Variants in DUSP9 observed in about 807,000 individuals in gnomAD.
DUSP9 encodes dual specificity phosphatase 9, also known as dual specificity protein phosphatase 9.
DUSP9 carries 4 observed loss-of-function variants against 13.2 expected under a neutral mutation model. The ratio of observed to expected loss-of-function variants is 0.30; its 90% CI spans 0.15 to 0.69. The LOEUF (loss-of-function observed/expected upper bound fraction) is 0.69. DUSP9 is among the 30% of genes least tolerant of loss of function. The probability of loss-of-function intolerance (pLI) is 0.73; values close to 1 mark genes in which losing one functional copy is unlikely to be tolerated. For missense variants in DUSP9, 263 were observed against 355.0 expected (o/e 0.74, Z 2.08); for synonymous variants, 166 against 172.3 (o/e 0.96, Z 0.29).
intron 2 of DUSP9, 98 bp downstream of exon 2, chrX:153,648,424 C>G: frequency 1.1e-6 from 1 of 919,824 alleles, no homozygotes; most frequent in South Asian, 3.4e-5. Context: ...AGGCCCCCCT[C>G]CCCTGATGAC....
chrX:153,645,905 C>T (rs1199224954), upstream of DUSP9, among the ~76,000 whole-genome samples: 1 of 112,443 alleles, frequency 8.9e-6, no homozygotes, highest in Non-Finnish European at 1.9e-5. Flanking sequence ...AGTGTTACCT[C>T]GTTGGTCATT....
In DUSP9 at chrX:153,649,463, C is replaced by A; in HGVS notation, c.605C>A (p.Ser202Tyr). Residue 202 changes from serine (S) to tyrosine (Y), a missense_variant, in exon 3 of 4, where the codon TCC becomes TAC. Transcript: ENST00000342782. ...ATPPPVGLRASFPVQILPNLY... is the reference protein window; with the variant it reads ...ATPPPVGLRAYFPVQILPNLY... ...CCCCCACCAGTGGGGCTGCGGGCATCCTTCCCTGTCCAGATCCTGCCCAAC... is the reference window on the plus strand; with the variant it reads ...CCCCCACCAGTGGGGCTGCGGGCATACTTCCCTGTCCAGATCCTGCCCAAC... 8.3e-7 allele frequency: 1 copy of A among 1,211,801 alleles called. No homozygotes were observed. The highest frequency in any genetic ancestry group is 1.7e-5 in the African/African-American group (1 of 57,924).
Position 153,648,337 on chromosome X carries a change from C to G in DUSP9, c.373+11C>G. On this transcript the variant is annotated intron_variant, in intron 2 of 3. Coordinates refer to ENST00000342782, the MANE Select transcript of DUSP9 (RefSeq NM_001318503.2). ...CCTACTACCTCCAGGGTAGGTGCCG[C>G]GGGGCCCTCCTTCCAGGGGGTTCGG... 9.0e-7 allele frequency: 1 copy of G among 1,107,735 alleles called. No homozygotes were observed. The highest frequency in any genetic ancestry group is 3.8e-5 in the East Asian group (1 of 26,530). 91.3% of individuals were successfully genotyped at this position (1,107,735 alleles called of 1,213,427 possible).
chrX:153,647,780 G>T, intron 1 of DUSP9, 139 bp from the exon 2 acceptor site: 1 of 422,297 alleles, frequency 2.4e-6, no homozygotes, highest in Non-Finnish European at 3.5e-6. Flanking sequence ...TGCTGCCTGG[G>T]GGGTTTCTTG....
At chrX:153,648,958 G>A (rs1344292816) in intron 2 of DUSP9, among the ~76,000 whole-genome samples, 2 of 112,078 alleles carry the variant, frequency 1.8e-5, no homozygotes, top group Admixed American at 1.9e-4. Context: ...TCTCGGCTCT[G>A]TTGAGCCCTC....
Position 153,649,984 on chromosome X carries a change from G to A in DUSP9, c.834G>A (p.Glu278=). 2 of 1,209,109 alleles carry A rather than the reference G, an allele frequency of 1.7e-6. No homozygotes were observed. ...GCCCTTTCCTGCCCCATCTAGATGA[G>A]GCCTTGTCCCAGAACTGCGGGGTGC... ...FFPEAIEFID[E]ALSQNCGVLV... Residue 278 remains glutamate, a synonymous_variant, in exon 4 of 4, where the codon GAG becomes GAA. Coordinates refer to ENST00000342782, the MANE Select transcript of DUSP9 (RefSeq NM_001318503.2).
upstream of DUSP9, among the ~76,000 whole-genome samples, chrX:153,645,583 A>G (rs1312081514): frequency 3.5e-5 from 4 of 113,049 alleles, no homozygotes; most frequent in Non-Finnish European, 7.5e-5. Flanking sequence ...TTTCTCCTCT[A>G]ACTCCATGGC....
At position 153,647,221 on chromosome X, in the gene DUSP9, G is replaced by C. The variant is rs1314685040; in HGVS notation, c.-240G>C. ...AGTTTCCAAGGTGGAAGCTGGGTCC[G>C]GCTGCCAGGAAGCGGCCGGTGCGCG... On this transcript the variant is annotated 5_prime_UTR_variant, in exon 1 of 4. Coordinates refer to ENST00000342782, the MANE Select transcript of DUSP9 (RefSeq NM_001318503.2). 2 of 109,016 alleles carry C rather than the reference G, an allele frequency of 1.8e-5. No homozygotes were observed. Among genetic ancestry groups the C allele is most frequent in the African/African-American group, 3.3e-5 (1 of 30,344 alleles). The allele number at this position is 109,016 out of a possible 1,213,427, so 9.0% of individuals were successfully genotyped here.
rs1174599347 is a variant in DUSP9 at position 153,651,101 on chromosome X, G to A, written c.*796G>A. The A allele has an allele frequency of 6.3e-5, 7 of 111,803 alleles. No individual in the cohort carries two copies. The highest frequency in any genetic ancestry group is 2.3e-4 in the African/African-American group (7 of 30,752). The allele number at this position is 111,803 out of a possible 1,213,427, so 9.2% of individuals were successfully genotyped here. On this transcript the variant is annotated 3_prime_UTR_variant, in exon 4 of 4. Coordinates refer to ENST00000342782, the MANE Select transcript of DUSP9 (RefSeq NM_001318503.2). ...CATTCATTTCTGTCCACACCCCTGT[G>A]GGTGGCGGGTGTGCGTGTGTGTGCT...
At chrX:153,644,803 C>T (rs988567379), upstream of DUSP9, among the ~76,000 whole-genome samples, 1 of 112,293 alleles carries the variant, frequency 8.9e-6, no homozygotes, top group East Asian at 2.8e-4. Context: ...GTTGCCTCTC[C>T]CCGTCCTCAT....
Position 153,650,059 on chromosome X carries a change from C to G in DUSP9, c.909C>G (p.Ala303=). The change falls in exon 4 of 4, where the codon GCC becomes GCG. Residue 303 remains alanine (A), a synonymous_variant. Coordinates refer to ENST00000342782, the MANE Select transcript of DUSP9 (RefSeq NM_001318503.2). The part of the protein sequence containing the change: ...GVSRSVTVTV[A]YLMQKLHLSL... ...GCCGTTCTGTCACCGTCACTGTGGC[C>G]TACCTCATGCAGAAGCTCCACCTCT... is the stretch of plus-strand genomic sequence containing the variant. The G allele has an allele frequency of 8.3e-7, 1 of 1,211,620 alleles. No homozygotes were observed. The highest frequency in any genetic ancestry group is 1.7e-5 in the African/African-American group (1 of 57,801).
At position 153,650,296 on chromosome X, in the gene DUSP9, C is replaced by T; in HGVS notation, c.1146C>T (p.Ala382=). The T allele has an allele frequency of 1.7e-6, 2 of 1,186,563 alleles. No individual in the cohort carries two copies. Among genetic ancestry groups the T allele is most frequent in the South Asian group, 1.9e-5 (1 of 53,260 alleles). ...TPTSDGAFEL[A]PT Reference sequence around the variant, plus strand: ...CCAGTGATGGCGCCTTCGAGCTGGCCCCCACCTAGGGCCCCGTGGCCGGCA... The same window carrying T: ...CCAGTGATGGCGCCTTCGAGCTGGCTCCCACCTAGGGCCCCGTGGCCGGCA... Residue 382 remains alanine (A), a synonymous_variant, in exon 4 of 4, where the codon GCC becomes GCT. Coordinates refer to ENST00000342782, the MANE Select transcript of DUSP9 (RefSeq NM_001318503.2).
At chrX:153,643,040 CCCA>C (rs1173091968), upstream of DUSP9, among the ~76,000 whole-genome samples, 1 of 107,767 alleles carries the variant, frequency 9.3e-6, no homozygotes, top group African/African-American at 3.4e-5. Context: ...CTACCATGCC[CCCA>C]CCACCTCGAA....
Position 153,649,780 on chromosome X carries a change from T to C in DUSP9, c.829+93T>C, listed in dbSNP as rs113500765. ...GTACTCCTCCCAAGCCCCGCTGCCA[T>C]TCCCAGAGCCAAAAGCCTAGGTGAC... is the stretch of plus-strand genomic sequence containing the variant. On this transcript the variant is annotated intron_variant, in intron 3 of 3. Transcript: ENST00000342782. The C allele has an allele frequency of 0.012, 10,813 of 883,740 alleles. 759 individuals carry two copies. In the African/African-American group the frequency reaches 0.2, roughly 16 times the overall value. 72.8% of individuals were successfully genotyped at this position (883,740 alleles called of 1,213,427 possible).
Position 153,649,666 on chromosome X carries a change from C to G in DUSP9, c.808C>G (p.Pro270Ala). The change falls in exon 3 of 4, where the codon CCG becomes GCG. Residue 270 changes from proline to alanine, a missense_variant. By Grantham distance (27) the Pro-to-Ala change is conservative (BLOSUM62 -1). Coordinates refer to ENST00000342782, the MANE Select transcript of DUSP9 (RefSeq NM_001318503.2). Reference sequence around the variant, plus strand: ...GAGCCAGAACCTGTCGCGGTTCTTTCCGGAGGCCATTGAGTTCATTGGTGA... The same window carrying G: ...GAGCCAGAACCTGTCGCGGTTCTTTGCGGAGGCCATTGAGTTCATTGGTGA... Reference protein sequence around the residue: ...HWSQNLSRFFPEAIEFIDEAL... With the variant: ...HWSQNLSRFFAEAIEFIDEAL... 1 of 1,209,240 alleles carries G rather than the reference C, an allele frequency of 8.3e-7. No individual in the cohort carries two copies. Among genetic ancestry groups the G allele is most frequent in the Non-Finnish European group, 1.1e-6 (1 of 894,754 alleles).
At chrX:153,643,593 G>A (rs72616448), upstream of DUSP9, 13 of 316,234 alleles carry the variant, frequency 4.1e-5, no homozygotes, top group African/African-American at 3.3e-4. Flanking sequence ...GAGAGAGCCC[G>A]GCGCTGAAAT....
Position 153,649,332 on chromosome X carries a change from C to G in DUSP9, c.474C>G (p.Pro158=), listed in dbSNP as rs73633708. 5.0e-6 allele frequency: 6 copies of G among 1,209,207 alleles called. No homozygotes were observed. In the South Asian group the frequency reaches 7.0e-5, roughly 14 times the overall value. ...SSMAPVPGPV[P]VVGLGSLCLG... is the part of the protein sequence containing the mutation. ...TGGCGCCGGTGCCCGGTCCAGTGCC[C>G]GTGGTGGGGTTGGGCAGCCTGTGCC... Residue 158 remains proline, a synonymous_variant, in exon 3 of 4, where the codon CCC becomes CCG. Coordinates refer to ENST00000342782, the MANE Select transcript of DUSP9 (RefSeq NM_001318503.2).
Position 153,650,747 on chromosome X carries a change from C to T in DUSP9, c.*442C>T, listed in dbSNP as rs1452172787. The T allele has an allele frequency of 1.2e-5, 1 of 84,634 alleles. No individual in the cohort carries two copies. The highest frequency in any genetic ancestry group is 1.4e-4 in the Admixed American group (1 of 7,381). The allele number at this position is 84,634 out of a possible 1,213,427, so 7.0% of individuals were successfully genotyped here. A position where few individuals can be genotyped will look rare whatever the true frequency, so the allele number is the denominator to read the frequency against. On this transcript the variant is annotated 3_prime_UTR_variant, in exon 4 of 4. Coordinates refer to ENST00000342782, the MANE Select transcript of DUSP9 (RefSeq NM_001318503.2). ...TTCTCCACCAAGGGCTTGGGCCTCT[C>T]GGGGCTGGGGCCTCCCAGGGGATGG...
In DUSP9 at chrX:153,647,303, G is replaced by C. The variant is rs1192127499; in HGVS notation, c.-158G>C. On this transcript the variant is annotated 5_prime_UTR_variant, in exon 1 of 4. Transcript: ENST00000342782. ...ACGTGCGAGCCTGCACCGCCGCCCC[G>C]CCCTCTCCTGGCGGCCAGGCCTGGG... The C allele has an allele frequency of 8.8e-6, 1 of 113,333 alleles. No homozygotes were observed. Among genetic ancestry groups the C allele is most frequent in the Non-Finnish European group, 1.9e-5 (1 of 53,237 alleles). 9.3% of individuals were successfully genotyped at this position (113,333 alleles called of 1,213,427 possible).
Sources: allele counts gnomAD v4.1 joint callset (sites outside exome capture counted in the v4.1 genomes callset), GRCh38; gene constraint gnomAD v4.1.1; transcripts MANE v1.5; gene names NCBI Gene and HGNC (gene_info 2026-07-23, HGNC 2026-07-21).